The following CXCL8 variants were observed in gnomAD, a reference collection of about 807,000 sequenced individuals.
CXCL8 encodes the protein interleukin-8.
CXCL8 carries 12 observed loss-of-function variants against 10.9 expected under a neutral mutation model. The observed-to-expected ratio is 1.10, with a 90% confidence interval of 0.71 to 1.79. CXCL8 has a LOEUF of 1.79. CXCL8 is among the 40% of genes most tolerant of loss of function. The probability of loss-of-function intolerance (pLI) is 0.00; values close to 1 mark genes in which losing one functional copy is unlikely to be tolerated. For missense variants in CXCL8, 145 were observed against 113.4 expected (o/e 1.28, Z -1.26); for synonymous variants, 41 against 39.6 (o/e 1.03, Z -0.13).
chr4:73,742,380 A>G, intron 3 of CXCL8, 69 bp from the exon 4 acceptor site: 1 of 754,934 alleles, frequency 1.3e-6, no homozygotes, highest in East Asian at 2.8e-5. Context: ...GACTATATTG[A>G]CTTTTCAAGA....
rs776631958 is a variant in CXCL8, at chr4:73,741,501, T to C, written c.65-41T>C. The C allele has an allele frequency of 8.7e-6, 14 of 1,603,522 alleles. No individual in the cohort carries two copies. The South Asian group carries it at 1.4e-4, about 16-fold the overall frequency. ...AGGAAGTAGCTGGCAGAGCTGTGCCTGTTGATAAAATCAATCCTTAATCAC... is the reference window on the plus strand; with the variant it reads ...AGGAAGTAGCTGGCAGAGCTGTGCCCGTTGATAAAATCAATCCTTAATCAC... On this transcript the variant is annotated intron_variant, in intron 1 of 3. Coordinates refer to ENST00000307407, the MANE Select transcript of CXCL8 (RefSeq NM_000584.4).
In CXCL8 at chr4:73,741,970, A is replaced by G. The variant is rs199638674; in HGVS notation, c.222A>G (p.Arg74=). 2 of 1,611,022 alleles carry G rather than the reference A, an allele frequency of 1.2e-6. No homozygotes were observed. Among genetic ancestry groups the G allele is most frequent in the Non-Finnish European group, 1.7e-6 (2 of 1,177,504 alleles). ...TCAGTGTAAAGCTTTCTGATGGAAG[A>G]GAGCTCTGTCTGGACCCCAAGGAAA... ...TEIIVKLSDG[R]ELCLDPKENW... The change falls in exon 3 of 4, where the codon AGA becomes AGG. Residue 74 remains arginine, a synonymous_variant. Coordinates refer to ENST00000307407, the MANE Select transcript of CXCL8 (RefSeq NM_000584.4).
Position 73,742,543 on chromosome 4 carries a change from T to C in CXCL8, c.*79T>C. The C allele has an allele frequency of 1.2e-6, 1 of 828,772 alleles. No homozygotes were observed. The highest frequency in any genetic ancestry group is 2.0e-6 in the Non-Finnish European group (1 of 509,678). The allele number at this position is 828,772 out of a possible 1,614,324, so 51.3% of individuals were successfully genotyped here. A position where few individuals can be genotyped will look rare whatever the true frequency, so the allele number is the denominator to read the frequency against. ...CAAGCAAATCTACTTCAACACTTCA[T>C]GTATTGTGTGGGTCTGTTGTAGGGT... On this transcript the variant is annotated 3_prime_UTR_variant, in exon 4 of 4. Coordinates refer to ENST00000307407, the MANE Select transcript of CXCL8 (RefSeq NM_000584.4).
Position 73,741,966 on chromosome 4 carries a change from G to A in CXCL8, c.218G>A (p.Gly73Glu), listed in dbSNP as rs1729186020. ...NTEIIVKLSD[G>E]RELCLDPKEN... ...TATTTCAGTGTAAAGCTTTCTGATG[G>A]AAGAGAGCTCTGTCTGGACCCCAAG... Residue 73 changes from glycine to glutamate, a missense_variant, in exon 3 of 4, where the codon GGA (glycine) becomes GAA (glutamate). Coordinates refer to ENST00000307407, the MANE Select transcript of CXCL8 (RefSeq NM_000584.4). The A allele has an allele frequency of 2.5e-6, 4 of 1,610,122 alleles. No individual in the cohort carries two copies. Among genetic ancestry groups the A allele is most frequent in the Non-Finnish European group, 3.4e-6 (4 of 1,176,872 alleles).
chr4:73,742,554 G>T lies in CXCL8; in HGVS notation c.*90G>T, dbSNP rs1729209977. 3 of 743,678 alleles carry T rather than the reference G, an allele frequency of 4.0e-6. No individual in the cohort carries two copies. Among genetic ancestry groups the T allele is most frequent in the Admixed American group, 2.7e-5 (1 of 36,820 alleles). 46.1% of individuals were successfully genotyped at this position (743,678 alleles called of 1,614,324 possible). On this transcript the variant is annotated 3_prime_UTR_variant, in exon 4 of 4. Transcript: ENST00000307407. The stretch of plus-strand genomic sequence containing the variant: ...ACTTCAACACTTCATGTATTGTGTG[G>T]GTCTGTTGTAGGGTTGCCAGATGCA...
At chr4:73,742,116 G>A (rs941595131) in intron 3 of CXCL8, 84 bp downstream of exon 3, 17 of 806,326 alleles carry the variant, frequency 2.1e-5, no homozygotes, top group Admixed American at 9.1e-5. Flanking sequence ...TCTTTCTGTT[G>A]CTAAAAATCG....
rs201293456 is a variant in CXCL8 at position 73,742,763 on chromosome 4, A to C, written c.*299A>C. The C allele has an allele frequency of 4.4e-5, 12 of 271,838 alleles. No homozygotes were observed. The highest frequency in any genetic ancestry group is 8.3e-5 in the Non-Finnish European group (12 of 143,916). 16.8% of individuals were successfully genotyped at this position (271,838 alleles called of 1,614,324 possible). A position where few individuals can be genotyped will look rare whatever the true frequency, so the allele number is the denominator to read the frequency against. ...GCACGGGAGAATATACAAATAGCAA[A>C]ATTGAGGCCAAGGGCCAAGAGAATA... On this transcript the variant is annotated 3_prime_UTR_variant, in exon 4 of 4. Coordinates refer to ENST00000307407, the MANE Select transcript of CXCL8 (RefSeq NM_000584.4).
Position 73,743,036 on chromosome 4 carries a change from A to C in CXCL8, c.*572A>C, listed in dbSNP as rs918753245. ...TTAGCCACCATCTTACCTCACAGTG[A>C]TGTTGTGAGGACATGTGGAAGCACT... is the stretch of plus-strand genomic sequence containing the variant. On this transcript the variant is annotated 3_prime_UTR_variant, in exon 4 of 4. Coordinates refer to ENST00000307407, the MANE Select transcript of CXCL8 (RefSeq NM_000584.4). The C allele has an allele frequency of 2.6e-5, 6 of 230,046 alleles. No individual in the cohort carries two copies. Among genetic ancestry groups the C allele is most frequent in the African/African-American group, 1.1e-4 (5 of 45,160 alleles). The allele number at this position is 230,046 out of a possible 1,614,324, so 14.3% of individuals were successfully genotyped here. A position where few individuals can be genotyped will look rare whatever the true frequency, so the allele number is the denominator to read the frequency against.
rs1315302432 is a variant in CXCL8 at position 73,740,663 on chromosome 4, C to A, written c.5C>A (p.Thr2Asn). 1.2e-6 allele frequency: 2 copies of A among 1,613,742 alleles called. No homozygotes were observed. Among genetic ancestry groups the A allele is most frequent in the Non-Finnish European group, 1.7e-6 (2 of 1,179,728 alleles). The change falls in exon 1 of 4, where the codon ACT becomes AAT. Residue 2 changes from threonine to asparagine, a missense_variant. By Grantham distance (65) the Thr-to-Asn change is moderately conservative (BLOSUM62 0). Coordinates refer to ENST00000307407, the MANE Select transcript of CXCL8 (RefSeq NM_000584.4). ...ACCATCTCACTGTGTGTAAACATGA[C>A]TTCCAAGCTGGCCGTGGCTCTCTTG... M[T>N]SKLAVALLAA...
chr4:73,742,680 A>T lies in CXCL8; in HGVS notation c.*216A>T, dbSNP rs566873633. ...CATACTTATATGTAAAGTATTATTT[A>T]TTTGAATCTACAAAAAACAACAAAT... On this transcript the variant is annotated 3_prime_UTR_variant, in exon 4 of 4. Transcript: ENST00000307407. 1 of 377,064 alleles carries T rather than the reference A, an allele frequency of 2.7e-6. No homozygotes were observed. Among genetic ancestry groups the T allele is most frequent in the South Asian group, 1.2e-4 (1 of 8,026 alleles). The allele number at this position is 377,064 out of a possible 1,614,324, so 23.4% of individuals were successfully genotyped here.
chr4:73,741,826 T>G lies in CXCL8; in HGVS notation c.201-123T>G, dbSNP rs540034514. 90 of 1,046,376 alleles carry G rather than the reference T, an allele frequency of 8.6e-5. No individual in the cohort carries two copies. The African/African-American group carries it at 1.3e-3, about 15-fold the overall frequency. 64.8% of individuals were successfully genotyped at this position (1,046,376 alleles called of 1,614,324 possible). ...AATATTTGTCTACATGACATTTAAATATGGTAGCTTCCACAACTACTATAA... is the reference window on the plus strand; with the variant it reads ...AATATTTGTCTACATGACATTTAAAGATGGTAGCTTCCACAACTACTATAA... On this transcript the variant is annotated intron_variant, in intron 2 of 3. Transcript: ENST00000307407.
chr4:73,741,872 T>A (rs1040769367), intron 2 of CXCL8, 77 bp from the exon 3 acceptor site: 5 of 1,203,328 alleles, frequency 4.2e-6, no homozygotes, highest in Non-Finnish European at 6.2e-6. Context: ...GGACTTAGAC[T>A]TTATGCCTGA....
chr4:73,742,162 G>T, intron 3 of CXCL8, 130 bp downstream of exon 3: 1 of 608,312 alleles, frequency 1.6e-6, no homozygotes, highest in Non-Finnish European at 2.9e-6. Flanking sequence ...AAAAAAAAAA[G>T]GAATAGCATC....
At chr4:73,741,071 C>T (rs1404652153) in intron 1 of CXCL8, among the ~76,000 whole-genome samples, 1 of 152,066 alleles carries the variant, frequency 6.6e-6, no homozygotes, top group East Asian at 1.9e-4. Flanking sequence ...AATTCCACTC[C>T]TTGTAGTATT....
In CXCL8 at chr4:73,740,685, C is replaced by T. The variant is rs753044518; in HGVS notation, c.27C>T (p.Leu9=). 2 of 1,613,750 alleles carry T rather than the reference C, an allele frequency of 1.2e-6. No individual in the cohort carries two copies. Among genetic ancestry groups the T allele is most frequent in the African/African-American group, 1.3e-5 (1 of 75,000 alleles). The change falls in exon 1 of 4, where the codon CTC becomes CTT. Residue 9 remains leucine, a synonymous_variant. Coordinates refer to ENST00000307407, the MANE Select transcript of CXCL8 (RefSeq NM_000584.4). ...TGACTTCCAAGCTGGCCGTGGCTCT[C>T]TTGGCAGCCTTCCTGATTTCTGCAG... The part of the protein sequence containing the change: MTSKLAVA[L]LAAFLISAAL...
Position 73,740,647 on chromosome 4 carries a change from CTG to C in CXCL8, c.-6_-5del. 1 of 1,612,742 alleles carries C rather than the reference CTG, an allele frequency of 6.2e-7. No homozygotes were observed. Among genetic ancestry groups the C allele is most frequent in the Non-Finnish European group, 8.5e-7 (1 of 1,178,984 alleles). On this transcript the variant is annotated 5_prime_UTR_variant, in exon 1 of 4. Coordinates refer to ENST00000307407, the MANE Select transcript of CXCL8 (RefSeq NM_000584.4). ...GAAACCACCGGAAGGAACCATCTCACTGTGTGTAAACATGACTTCCAAGCTGG... is the reference window on the plus strand; with the variant it reads ...GAAACCACCGGAAGGAACCATCTCACTGTGTAAACATGACTTCCAAGCTGG...
intron 1 of CXCL8, 103 bp downstream of exon 1, chr4:73,740,825 C>CTGTTTCTGAAT: frequency 1.1e-6 from 1 of 902,370 alleles, no homozygotes; most frequent in Non-Finnish European, 1.7e-6. Flanking sequence ...CCTTTTTATT[C>CTGTTTCTGAAT]AGAAACAGAA....
chr4:73,741,238 A>G (rs1332699892), intron 1 of CXCL8, among the ~76,000 whole-genome samples: 1 of 152,208 alleles, frequency 6.6e-6, no homozygotes, highest in East Asian at 1.9e-4. Context: ...TATAAATAAC[A>G]CTGTGGTATC....
chr4:73,742,336 G>T, intron 3 of CXCL8, 113 bp from the exon 4 acceptor site: 1 of 604,008 alleles, frequency 1.7e-6, no homozygotes, highest in Non-Finnish European at 2.9e-6. Context: ...TTATAGTTGA[G>T]AATATAGAGC....
Sources: gnomAD v4.1 joint callset for allele counts (sites outside exome capture counted in the v4.1 genomes callset) on GRCh38, gnomAD v4.1.1 for gene constraint, MANE v1.5 for transcripts, NCBI Gene and HGNC (gene_info 2026-07-23, HGNC 2026-07-21) for gene names.